PCDHGA3: variants seen among roughly 807,000 people sequenced by gnomAD.
PCDHGA3 encodes the protein protocadherin gamma-A3.
In PCDHGA3, 40 loss-of-function variants were observed where a neutral mutation model predicts 58.5. That is an observed-to-expected ratio of 0.68 (90% CI 0.53 to 0.89). PCDHGA3 has a LOEUF of 0.89. PCDHGA3 is among the 40% of genes least tolerant of loss of function. The pLI, the probability that PCDHGA3 is intolerant of heterozygous loss-of-function variation, is 0.00. For synonymous variants in PCDHGA3, 530 were observed against 525.7 expected (o/e 1.01, Z -0.11); for missense variants, 1,223 against 1,195.9 (o/e 1.02, Z -0.33).
intron 2 of PCDHGA3, among the ~76,000 whole-genome samples, chr5:141,496,639 C>A (rs752903356): frequency 6.6e-6 from 1 of 152,222 alleles, no homozygotes; most frequent in Non-Finnish European, 1.5e-5. Flanking sequence ...TTGGGCTGCC[C>A]TTGCCCTTCC....
intron 1 of PCDHGA3, among the ~76,000 whole-genome samples, chr5:141,449,868 T>C (rs902371897): frequency 1.3e-5 from 2 of 151,910 alleles, no homozygotes; most frequent in African/African-American, 4.8e-5. Flanking sequence ...AATCAGAAAA[T>C]TTAACATCAA....
chr5:141,393,690 C>T (rs779487285), intron 1 of PCDHGA3: 4 of 1,613,752 alleles, frequency 2.5e-6, no homozygotes, highest in Non-Finnish European at 2.5e-6. Context: ...TCCGTTATTC[C>T]AGCTTAATGA....
At chr5:141,370,791 T>C (rs1354354873) in intron 1 of PCDHGA3, 2 of 1,614,022 alleles carry the variant, frequency 1.2e-6, no homozygotes, top group Non-Finnish European at 1.7e-6. Flanking sequence ...CCCACCGACC[T>C]TTAGCCAAAA....
chr5:141,425,559 G>A (rs1180113940), intron 1 of PCDHGA3, among the ~76,000 whole-genome samples: 2 of 152,176 alleles, frequency 1.3e-5, no homozygotes, highest in East Asian at 3.9e-4. Context: ...TCTTTTATAA[G>A]TGATAAGAAG....
At position 141,432,463 on chromosome 5, in the gene PCDHGA3, C is replaced by T; in HGVS notation, c.2425-62344C>T. ...CCGAGATCCTGTACCCCGCCCTCCC[C>T]ACGGACGGTTCCACTGGCGTGGAGC... On this transcript the variant is annotated intron_variant, in intron 1 of 3. Transcript: ENST00000253812. The surrounding 1 kb of genome is among the most constrained non-coding windows in gnomAD (Gnocchi z 6.0). 6.2e-7 allele frequency: 1 copy of T among 1,614,238 alleles called. No individual in the cohort carries two copies. The highest frequency in any genetic ancestry group is 1.1e-5 in the South Asian group (1 of 91,084).
chr5:141,358,754 T>C (rs1332510048), intron 1 of PCDHGA3, among the ~76,000 whole-genome samples: 1 of 152,236 alleles, frequency 6.6e-6, no homozygotes, highest in Admixed American at 6.5e-5. Flanking sequence ...TCTCTTGTCA[T>C]CATGTGAGCC....
chr5:141,442,348 CTG>C (rs1318031659), intron 1 of PCDHGA3: 1 of 152,378 alleles, frequency 6.6e-6, no homozygotes, highest in Non-Finnish European at 1.5e-5. Context: ...TTCTGGGTAA[CTG>C]TAGCTCTATG....
At chr5:141,461,456 T>C (rs12186717) in intron 1 of PCDHGA3, among the ~76,000 whole-genome samples, 42,391 of 152,030 alleles carry the variant, frequency 0.28, 6,631 homozygotes, top group African/African-American at 0.43. Context: ...AATGGCTATT[T>C]GTGTCCTTTG....
At chr5:141,452,380 G>A (rs1003689226) in intron 1 of PCDHGA3, among the ~76,000 whole-genome samples, 2 of 152,192 alleles carry the variant, frequency 1.3e-5, no homozygotes, top group Admixed American at 1.3e-4. Context: ...GTAGGGAATA[G>A]TATTTAGAAA....
chr5:141,451,682 G>GA (rs1401536376), intron 1 of PCDHGA3, among the ~76,000 whole-genome samples: 1 of 152,128 alleles, frequency 6.6e-6, no homozygotes, highest in Non-Finnish European at 1.5e-5. Flanking sequence ...AGGAGTTCAA[G>GA]ACCAGCCTGG....
chr5:141,478,292 C>T, intron 1 of PCDHGA3: 1 of 1,614,146 alleles, frequency 6.2e-7, no homozygotes, highest in Non-Finnish European at 8.5e-7. Flanking sequence ...GTCTAGAGAC[C>T]TATACCGAGC....
Position 141,375,311 on chromosome 5 carries a change from C to G in PCDHGA3, c.2424+28854C>G, listed in dbSNP as rs367639660. On this transcript the variant is annotated intron_variant, in intron 1 of 3. Transcript: ENST00000253812. ...TTATCGATTAGTGACAAATGCAGCTCTAGACCGGGAAGAGGTATTCTTGTA... is the reference window on the plus strand; with the variant it reads ...TTATCGATTAGTGACAAATGCAGCTGTAGACCGGGAAGAGGTATTCTTGTA... The G allele has an allele frequency of 2.0e-5, 32 of 1,613,730 alleles. No individual in the cohort carries two copies. The Middle Eastern group carries it at 4.9e-4, about 25-fold the overall frequency.
In PCDHGA3 at chr5:141,491,789, T is replaced by G; in HGVS notation, c.2425-3018T>G. The G allele has an allele frequency of 6.6e-7, 1 of 1,525,854 alleles. No individual in the cohort carries two copies. Among genetic ancestry groups the G allele is most frequent in the Non-Finnish European group, 8.8e-7 (1 of 1,137,340 alleles). The allele number at this position is 1,525,854 out of a possible 1,614,324, so 94.5% of individuals were successfully genotyped here. ...CATAAGGGATTGAACTTGCATCCAC[T>G]CCTCTCCGGCCGGCTTGGTCGCTGG... On this transcript the variant is annotated intron_variant, in intron 1 of 3. Transcript: ENST00000253812. The surrounding 1 kb of genome is among the most constrained non-coding windows in gnomAD (Gnocchi z 6.9).
chr5:141,434,948 T>C (rs1486185815), intron 1 of PCDHGA3, among the ~76,000 whole-genome samples: 1 of 151,828 alleles, frequency 6.6e-6, no homozygotes, highest in East Asian at 1.9e-4. Flanking sequence ...ATATAATTTA[T>C]TAACAATTTA....
At position 141,454,796 on chromosome 5, in the gene PCDHGA3, A is replaced by ATTTTT. The variant is rs61612330; in HGVS notation, c.2425-39986_2425-39982dup. ...AAGGAAATAATCCTCCATGGTTCTA[A>ATTTTT]TTTTTTTTTTTTTTTTTTTTTTTTT... On this transcript the variant is annotated intron_variant, in intron 1 of 3. Coordinates refer to ENST00000253812, the MANE Select transcript of PCDHGA3 (RefSeq NM_018916.4). 4.5e-3 allele frequency among the ~76,000 whole-genome samples: 350 copies of ATTTTT among 77,444 alleles called. 39 individuals are homozygous for ATTTTT. The highest frequency in any genetic ancestry group is 0.016 in the African/African-American group (266 of 16,872). The allele number at this position is 77,444 out of a possible 152,430, so 50.8% of individuals were successfully genotyped here.
In PCDHGA3 at chr5:141,354,915, T is replaced by TA. The variant is rs1175574849; in HGVS notation, c.2424+8464dup. The TA allele has an allele frequency of 3.3e-4, 134 of 411,254 alleles. No homozygotes were observed. The East Asian group carries it at 4.7e-3, about 15-fold the overall frequency. 25.5% of individuals were successfully genotyped at this position (411,254 alleles called of 1,614,324 possible). A position where few individuals can be genotyped will look rare whatever the true frequency, so the allele number is the denominator to read the frequency against. On this transcript the variant is annotated intron_variant, in intron 1 of 3. Coordinates refer to ENST00000253812, the MANE Select transcript of PCDHGA3 (RefSeq NM_018916.4). ...GGAGAAATAGGAATAGAAAAGTGTA[T>TA]AAAAAATAAACTTTTTTTAACCAAG...
chr5:141,386,345 AG>A (rs2090538065), intron 1 of PCDHGA3, among the ~76,000 whole-genome samples: 1 of 152,200 alleles, frequency 6.6e-6, no homozygotes, highest in Admixed American at 6.5e-5. Context: ...GTGGATGACA[AG>A]GTAATCTTGA....
At chr5:141,506,865 G>T (rs1403350484) in intron 3 of PCDHGA3, among the ~76,000 whole-genome samples, 1 of 152,186 alleles carries the variant, frequency 6.6e-6, no homozygotes, top group African/African-American at 2.4e-5. Flanking sequence ...GGACTGGTGG[G>T]TAGAGAACCA....
chr5:141,481,897 G>A (rs916673176), intron 1 of PCDHGA3, among the ~76,000 whole-genome samples: 3 of 128,712 alleles, frequency 2.3e-5, no homozygotes, highest in South Asian at 5.0e-4. Context: ...CTGGGTGAAA[G>A]AGCGAAACTC....
Sources: allele counts gnomAD v4.1 joint callset (sites outside exome capture counted in the v4.1 genomes callset), GRCh38; gene constraint gnomAD v4.1.1; non-coding constraint Gnocchi (gnomAD v3.1); transcripts MANE v1.5; gene names NCBI Gene and HGNC (gene_info 2026-07-23, HGNC 2026-07-21).